Variants in TDRD5 observed in about 807,000 individuals in gnomAD.
TDRD5 encodes tudor domain-containing protein 5.
A neutral mutation model predicts 120.6 loss-of-function variants in TDRD5; 41 were observed. The observed-to-expected ratio is 0.34, with a 90% CI of 0.26 to 0.44. The LOEUF is 0.44. Among genes scored for constraint, TDRD5 ranks in the 20% least tolerant of loss-of-function variants. The pLI, the probability that TDRD5 is intolerant of heterozygous loss-of-function variation, is 1.00. For synonymous variants in TDRD5, 430 were observed against 433.7 expected (o/e 0.99, Z 0.11); for missense variants, 1,006 against 1,221.2 (o/e 0.82, Z 2.63).
chr1:179,618,523 C>A, intron 4 of TDRD5, 76 bp from the exon 5 acceptor site: 1 of 1,040,630 alleles, frequency 9.6e-7, no homozygotes, highest in Non-Finnish European at 1.4e-6. Flanking sequence ...TTTTTCTTTA[C>A]ATATTGCTTA....
chr1:179,645,535 G>A (rs1417118982), intron 11 of TDRD5, among the ~76,000 whole-genome samples: 1 of 152,052 alleles, frequency 6.6e-6, no homozygotes, highest in Non-Finnish European at 1.5e-5. Flanking sequence ...TGTAAATGGT[G>A]GTGTCTTCTT....
At chr1:179,601,108 A>G (rs558817338) in intron 4 of TDRD5, among the ~76,000 whole-genome samples, 22 of 149,416 alleles carry the variant, frequency 1.5e-4, no homozygotes, top group Admixed American at 1.4e-3. Context: ...ATAAATGTCA[A>G]TTAAGTCAGT....
intron 15 of TDRD5, among the ~76,000 whole-genome samples, chr1:179,662,774 T>C (rs753713830): frequency 6.6e-6 from 1 of 152,216 alleles, no homozygotes. Flanking sequence ...GGATTCATCA[T>C]GGGACAATAA....
intron 9 of TDRD5, among the ~76,000 whole-genome samples, 170 bp downstream of exon 9, chr1:179,636,057 C>T (rs1677751231): frequency 6.6e-6 from 1 of 151,972 alleles, no homozygotes; most frequent in Non-Finnish European, 1.5e-5. Flanking sequence ...AAATAATTCT[C>T]GTGTTAATAT....
chr1:179,602,287 T>G (rs1205817775), intron 4 of TDRD5, among the ~76,000 whole-genome samples: 5 of 152,264 alleles, frequency 3.3e-5, no homozygotes, highest in Non-Finnish European at 7.3e-5. Flanking sequence ...GGTTTTGATT[T>G]GCATTTCCCT....
intron 8 of TDRD5, among the ~76,000 whole-genome samples, chr1:179,635,166 C>T (rs900697281): frequency 6.6e-6 from 1 of 152,074 alleles, no homozygotes; most frequent in Non-Finnish European, 1.5e-5. Flanking sequence ...GTTTGGAGAG[C>T]TTGCTGTATT....
intron 6 of TDRD5, among the ~76,000 whole-genome samples, chr1:179,624,702 A>G (rs1453727408): frequency 6.6e-6 from 1 of 152,234 alleles, no homozygotes; most frequent in African/African-American, 2.4e-5. Flanking sequence ...TAAATCATGT[A>G]CACCGAAAAC....
At chr1:179,630,499 A>G (rs1677375583) in intron 6 of TDRD5, among the ~76,000 whole-genome samples, 1 of 152,206 alleles carries the variant, frequency 6.6e-6, no homozygotes, top group Non-Finnish European at 1.5e-5. Context: ...GACATTGTTA[A>G]AAATGAGAAG....
chr1:179,599,298 G>T (rs764615391), intron 4 of TDRD5, among the ~76,000 whole-genome samples: 11 of 151,956 alleles, frequency 7.2e-5, no homozygotes, highest in Admixed American at 7.2e-4. Flanking sequence ...TAGTTTTCTT[G>T]TAATGCTTTT....
intron 17 of TDRD5, 124 bp downstream of exon 17, chr1:179,669,528 TG>T: frequency 1.9e-6 from 2 of 1,052,600 alleles, no homozygotes; most frequent in Non-Finnish European, 2.8e-6. Flanking sequence ...CGTTAGCATT[TG>T]TGTTAAGTCC....
At chr1:179,662,027 A>G (rs1679335865) in intron 14 of TDRD5, 77 bp from the exon 15 acceptor site, 2 of 1,362,692 alleles carry the variant, frequency 1.5e-6, no homozygotes, top group East Asian at 2.7e-5. Flanking sequence ...TCAGGAAAAA[A>G]CTATAAAACC....
At position 179,618,653 on chromosome 1, in the gene TDRD5, A is replaced by G; in HGVS notation, c.886A>G (p.Ser296Gly). 1 of 1,597,270 alleles carries G rather than the reference A, an allele frequency of 6.3e-7. No individual in the cohort carries two copies. Among genetic ancestry groups the G allele is most frequent in the Non-Finnish European group, 8.5e-7 (1 of 1,173,464 alleles). ...IAQIGPGGTI[S>G]SELKHKIKFV... Reference sequence around the variant, plus strand: ...ACAGATTGGACCTGGAGGAACTATCAGTTCAGAACTAAAACATAAGATAAA... The same window carrying G: ...ACAGATTGGACCTGGAGGAACTATCGGTTCAGAACTAAAACATAAGATAAA... Residue 296 changes from serine (S) to glycine (G), a missense_variant, in exon 5 of 18, where the codon AGT becomes GGT. By Grantham distance (56) the Ser-to-Gly change is moderately conservative. This residue lies in a region of TDRD5 where 445 missense variants were observed against 515.5 expected (regional missense o/e 0.86). Coordinates refer to ENST00000444136, the MANE Select transcript of TDRD5 (RefSeq NM_001199085.3).
At chr1:179,628,319 C>CTT (rs1282761458) in intron 6 of TDRD5, among the ~76,000 whole-genome samples, 12 of 76,336 alleles carry the variant, frequency 1.6e-4, no homozygotes, top group African/African-American at 6.5e-4. Flanking sequence ...CTTTTCTTTT[C>CTT]TTTTCTTTTT....
intron 4 of TDRD5, among the ~76,000 whole-genome samples, chr1:179,606,144 T>A (rs1290103215): frequency 1.3e-5 from 2 of 151,776 alleles, no homozygotes; most frequent in African/African-American, 2.4e-5. Context: ...TCTAATACTG[T>A]ATAGTGATAT....
chr1:179,625,202 A>G (rs983652851), intron 6 of TDRD5, among the ~76,000 whole-genome samples: 1 of 152,064 alleles, frequency 6.6e-6, no homozygotes, highest in Non-Finnish European at 1.5e-5. Flanking sequence ...TGTATCATAG[A>G]CCTAAATGAA....
At chr1:179,621,830 T>G in intron 6 of TDRD5, among the ~76,000 whole-genome samples, 1 of 152,196 alleles carries the variant, frequency 6.6e-6, no homozygotes, top group Non-Finnish European at 1.5e-5. Flanking sequence ...ATGTTCATTT[T>G]GTTTTCACAA....
intron 11 of TDRD5, among the ~76,000 whole-genome samples, chr1:179,647,104 A>G (rs965200915): frequency 6.4e-4 from 96 of 149,774 alleles, no homozygotes; most frequent in African/African-American, 2.3e-3. Context: ...AAACTACTTT[A>G]AAGTTCATAT....
intron 11 of TDRD5, among the ~76,000 whole-genome samples, chr1:179,646,659 A>G (rs967411197): frequency 6.6e-6 from 1 of 152,130 alleles, no homozygotes; most frequent in Admixed American, 6.6e-5. Context: ...AGAGGAAGTC[A>G]AATCGTCCCT....
At chr1:179,634,039 C>T (rs1221838694) in intron 7 of TDRD5, among the ~76,000 whole-genome samples, 2 of 151,718 alleles carry the variant, frequency 1.3e-5, no homozygotes, top group East Asian at 1.9e-4. Context: ...GGCATGGTGG[C>T]GGGTGCCTGT....
Sources: allele counts gnomAD v4.1 joint callset (sites outside exome capture counted in the v4.1 genomes callset), GRCh38; gene constraint gnomAD v4.1.1; regional missense constraint gnomAD v4.1.1; transcripts MANE v1.5; gene names NCBI Gene and HGNC (gene_info 2026-07-23, HGNC 2026-07-21).